The following ATXN1 variants were observed in gnomAD, a reference collection of about 807,000 sequenced individuals.
ATXN1 encodes the protein ataxin 1, also known as ataxin-1.
In ATXN1, 8 loss-of-function variants were observed where a neutral mutation model predicts 56.4. The observed-to-expected ratio is 0.14, with a 90% CI of 0.08 to 0.26. ATXN1 has a LOEUF of 0.26. Ranked by LOEUF, ATXN1 falls within the 10% of genes least tolerant of loss-of-function variation. The pLI is 1.00. For synonymous variants in ATXN1, 514 were observed against 494.6 expected, an observed-to-expected ratio of 1.04 and a Z score of -0.52; for missense variants, 987 against 1,106.5, an observed-to-expected ratio of 0.89 and a Z score of 1.53.
chr6:16,481,284 T>C lies in ATXN1; in HGVS notation c.-161+4688A>G, dbSNP rs1475574287. Among the ~76,000 whole-genome samples the C allele has an allele frequency of 3.3e-5, 5 of 152,326 alleles. No individual in the cohort carries two copies. The South Asian group carries it at 8.3e-4, about 25-fold the overall frequency. On this transcript the variant is annotated intron_variant, in intron 6 of 7. Transcript: ENST00000436367. ...GACCCTCTTATCTACTTCAGATTTT[T>C]TTTTTGTAACGCTGGAGAATTTGGT...
intron 6 of ATXN1, among the ~76,000 whole-genome samples, chr6:16,396,482 T>A (rs1758461918): frequency 6.6e-6 from 1 of 152,188 alleles, no homozygotes; most frequent in Non-Finnish European, 1.5e-5. Flanking sequence ...TAAAATGTGT[T>A]TGTATTTTAA....
chr6:16,445,270 GAGA>G (rs1393784383), intron 6 of ATXN1, among the ~76,000 whole-genome samples: 2 of 152,150 alleles, frequency 1.3e-5, no homozygotes, highest in Non-Finnish European at 2.9e-5. Flanking sequence ...AGTTGTGTAT[GAGA>G]AGAAGAATCC....
chr6:16,306,903 CA>C lies in ATXN1; in HGVS notation c.1918-45del. 1 of 1,531,088 alleles carries C rather than the reference CA, an allele frequency of 6.5e-7. No homozygotes were observed. Among genetic ancestry groups the C allele is most frequent in the South Asian group, 1.2e-5 (1 of 81,538 alleles). 94.8% of individuals were successfully genotyped at this position (1,531,088 alleles called of 1,614,324 possible). ...ACAGAGAGAGGAAGAAGGAAGGGAA[CA>C]AATGAAAACATTTTATTCTTGTTTG... On this transcript the variant is annotated intron_variant, in intron 7 of 7. Coordinates refer to ENST00000436367, the MANE Select transcript of ATXN1 (RefSeq NM_001128164.2). This position sits in a 1 kb window ranked among gnomAD's most constrained non-coding sequence, Gnocchi z 5.2.
At chr6:16,381,315 G>A (rs551341673) in intron 6 of ATXN1, among the ~76,000 whole-genome samples, 1 of 152,240 alleles carries the variant, frequency 6.6e-6, no homozygotes, top group Non-Finnish European at 1.5e-5. Context: ...GTGGACTCAG[G>A]CACACAGGCA....
intron 6 of ATXN1, among the ~76,000 whole-genome samples, chr6:16,329,544 G>A (rs923244637): frequency 3.3e-5 from 5 of 152,216 alleles, no homozygotes; most frequent in Admixed American, 2.6e-4. Context: ...TTTGATTATG[G>A]TTAAAAAACC....
chr6:16,390,929 G>A (rs1408889360), intron 6 of ATXN1, among the ~76,000 whole-genome samples: 1 of 152,084 alleles, frequency 6.6e-6, no homozygotes. Flanking sequence ...GGGAGGCCGA[G>A]GCAGGTGAAC....
At chr6:16,356,877 A>G (rs985777211) in intron 6 of ATXN1, among the ~76,000 whole-genome samples, 2 of 152,240 alleles carry the variant, frequency 1.3e-5, no homozygotes, top group Non-Finnish European at 2.9e-5. Context: ...TTTTGATTAT[A>G]TTCAAAAAAC....
intron 3 of ATXN1, among the ~76,000 whole-genome samples, chr6:16,620,610 G>T (rs1042239123): frequency 6.6e-6 from 1 of 152,152 alleles, no homozygotes; most frequent in Non-Finnish European, 1.5e-5. Context: ...AACCCAAGTC[G>T]AAGAGGTACG....
intron 2 of ATXN1, among the ~76,000 whole-genome samples, chr6:16,729,678 A>C (rs1561825981): frequency 6.6e-6 from 1 of 152,206 alleles, no homozygotes; most frequent in Non-Finnish European, 1.5e-5. Context: ...CCTACCAACA[A>C]CTGGTTTACT....
intron 6 of ATXN1, among the ~76,000 whole-genome samples, chr6:16,342,977 G>A (rs945432765): frequency 1.2e-4 from 18 of 152,182 alleles, no homozygotes; most frequent in African/African-American, 3.1e-4. Context: ...CCACTTAACC[G>A]TGCACGTAAA....
intron 3 of ATXN1, among the ~76,000 whole-genome samples, chr6:16,592,431 C>T (rs1762738979): frequency 1.3e-5 from 2 of 152,130 alleles, no homozygotes; most frequent in Non-Finnish European, 2.9e-5. Context: ...CAGAAGACCA[C>T]GTGTTGCTCA....
intron 4 of ATXN1, among the ~76,000 whole-genome samples, chr6:16,571,787 A>T (rs1422974280): frequency 1.3e-5 from 2 of 152,140 alleles, no homozygotes; most frequent in Non-Finnish European, 2.9e-5. Flanking sequence ...AAGCCTCCCA[A>T]GTAGCTAGGA....
intron 2 of ATXN1, among the ~76,000 whole-genome samples, chr6:16,710,613 G>A (rs917656429): frequency 2.0e-5 from 3 of 151,868 alleles, no homozygotes; most frequent in Non-Finnish European, 2.9e-5. Context: ...TTTGAGACAG[G>A]GTCCAGCTCA....
chr6:16,630,166 C>A (rs1763480627), intron 3 of ATXN1, among the ~76,000 whole-genome samples: 1 of 152,158 alleles, frequency 6.6e-6, no homozygotes, highest in Non-Finnish European at 1.5e-5. Context: ...CAACTGTGGG[C>A]ATTCCCTTGG....
chr6:16,481,012 C>T (rs1760427689), intron 6 of ATXN1, among the ~76,000 whole-genome samples: 1 of 152,090 alleles, frequency 6.6e-6, no homozygotes. Context: ...TGGCCAGGAA[C>T]TAGTGAAGCT....
At chr6:16,613,018 C>A (rs1212866298) in intron 3 of ATXN1, among the ~76,000 whole-genome samples, 2 of 151,622 alleles carry the variant, frequency 1.3e-5, no homozygotes, top group Non-Finnish European at 2.9e-5. Flanking sequence ...GTAATCCCAG[C>A]ACTTTGGGAG....
chr6:16,745,593 T>C (rs1199652781), intron 2 of ATXN1, among the ~76,000 whole-genome samples: 1 of 152,218 alleles, frequency 6.6e-6, no homozygotes, highest in Non-Finnish European at 1.5e-5. Context: ...TCCTTTATTA[T>C]TGTAAGGTTT....
chr6:16,354,214 G>C (rs1213345912), intron 6 of ATXN1, among the ~76,000 whole-genome samples: 1 of 151,970 alleles, frequency 6.6e-6, no homozygotes, highest in Non-Finnish European at 1.5e-5. Context: ...CCCTAAAACA[G>C]TGCCCTCCAC....
rs1366173660 is a variant in ATXN1, at chr6:16,304,026, G to T, written c.*2303C>A. On this transcript the variant is annotated 3_prime_UTR_variant, in exon 8 of 8. Coordinates refer to ENST00000436367, the MANE Select transcript of ATXN1 (RefSeq NM_001128164.2). Reference sequence around the variant, plus strand: ...TGCTGAGAGGGTAATGAAATTCGAGGAAAGTCAAGGAACTATTCTAGCTAT... The same window carrying T: ...TGCTGAGAGGGTAATGAAATTCGAGTAAAGTCAAGGAACTATTCTAGCTAT... 1 of 152,382 alleles carries T rather than the reference G, an allele frequency of 6.6e-6. No individual in the cohort carries two copies. Among genetic ancestry groups the T allele is most frequent in the Non-Finnish European group, 1.5e-5 (1 of 68,024 alleles). 9.4% of individuals were successfully genotyped at this position (152,382 alleles called of 1,614,324 possible).
Sources: allele counts gnomAD v4.1 joint callset (sites outside exome capture counted in the v4.1 genomes callset), GRCh38; gene constraint gnomAD v4.1.1; non-coding constraint Gnocchi (gnomAD v3.1); transcripts MANE v1.5; gene names NCBI Gene and HGNC (gene_info 2026-07-23, HGNC 2026-07-21).